The following ACO1 variants were observed in gnomAD, a reference collection of about 807,000 sequenced individuals.
ACO1 encodes aconitase 1.
In ACO1, 78 loss-of-function variants were observed where a neutral mutation model predicts 105.1. The observed-to-expected ratio is 0.74, with a 90% CI of 0.62 to 0.90. ACO1 has a LOEUF of 0.90. Among genes scored for constraint, ACO1 ranks in the 40% least tolerant of loss-of-function variants. ACO1 has a pLI of 0.00. For synonymous variants in ACO1, 364 were observed against 397.4 expected (o/e 0.92, Z 1.00); for missense variants, 965 against 1,111.1 (o/e 0.87, Z 1.87).
At chr9:32,440,395 A>G in intron 18 of ACO1, 70 bp from the exon 19 acceptor site, 1 of 1,595,980 alleles carries the variant, frequency 6.3e-7, no homozygotes, top group South Asian at 1.1e-5. Context: ...CGCCCTCACC[A>G]GGGCTCAGGG....
intron 19 of ACO1, among the ~76,000 whole-genome samples, chr9:32,447,371 T>C (rs778916324): frequency 6.6e-6 from 1 of 152,220 alleles, no homozygotes; most frequent in Non-Finnish European, 1.5e-5. Context: ...TATTGATACT[T>C]GTATATACTC....
intron 1 of ACO1, among the ~76,000 whole-genome samples, chr9:32,391,176 A>T (rs1280142491): frequency 1.3e-5 from 2 of 152,226 alleles, no homozygotes; most frequent in African/African-American, 4.8e-5. Flanking sequence ...AGCCCTTGTC[A>T]TCTGGGCAGA....
At chr9:32,449,903 G>A in intron 20 of ACO1, 95 bp from the exon 21 acceptor site, 4 of 897,050 alleles carry the variant, frequency 4.5e-6, no homozygotes, top group Non-Finnish European at 7.3e-6. Context: ...ACTGAAGTGT[G>A]GACCACACCT....
Position 32,436,295 on chromosome 9 carries a change from T to C in ACO1, c.2145T>C (p.Asn715=), listed in dbSNP as rs1822359080. 1 of 1,614,104 alleles carries C rather than the reference T, an allele frequency of 6.2e-7. No homozygotes were observed. The highest frequency in any genetic ancestry group is 1.3e-5 in the African/African-American group (1 of 74,936). The part of the protein sequence containing the change: ...EFNSYGSRRG[N]DAVMARGTFA... ...ACTCCTATGGCTCCCGCCGAGGTAA[T>C]GACGCCGTCATGGCACGGGGAACAT... The change falls in exon 18 of 21, where the codon AAT becomes AAC. Residue 715 remains asparagine (N), a synonymous_variant. Transcript: ENST00000309951.
chr9:32,428,739 G>A (rs1822157679), intron 12 of ACO1, among the ~76,000 whole-genome samples: 1 of 152,166 alleles, frequency 6.6e-6, no homozygotes, highest in African/African-American at 2.4e-5. Context: ...AGCTACTTGG[G>A]GGGCTGAGGC....
rs185227580 is a variant in ACO1, at chr9:32,436,409, C to T, written c.2247+12C>T. Reference sequence around the variant, plus strand: ...CTTCTGGGGAAATCGTGAGTATTGTCTTCTGCTTCCTGCAGACACTAGCAT... The same window carrying T: ...CTTCTGGGGAAATCGTGAGTATTGTTTTCTGCTTCCTGCAGACACTAGCAT... On this transcript the variant is annotated intron_variant, in intron 18 of 20. Transcript: ENST00000309951. 2.1e-3 allele frequency: 3,446 copies of T among 1,612,492 alleles called. 6 individuals carry two copies. The highest frequency in any genetic ancestry group is 2.5e-3 in the Non-Finnish European group (2,967 of 1,178,934).
chr9:32,433,402 T>G (rs1587547346), intron 15 of ACO1, among the ~76,000 whole-genome samples: 2 of 151,122 alleles, frequency 1.3e-5, no homozygotes, highest in African/African-American at 4.9e-5. Flanking sequence ...CCCAGACAAT[T>G]TTTTTTTTAT....
intron 1 of ACO1, 69 bp from the exon 2 acceptor site, chr9:32,405,416 C>T: frequency 1.2e-6 from 1 of 865,952 alleles, no homozygotes; most frequent in Non-Finnish European, 1.9e-6. Context: ...CTAAGCCTTC[C>T]TCCCAGTCCT....
chr9:32,420,536 C>T (rs957979890), intron 7 of ACO1, among the ~76,000 whole-genome samples: 8 of 152,058 alleles, frequency 5.3e-5, no homozygotes, highest in Non-Finnish European at 1.0e-4. Flanking sequence ...TCCCAGCTTC[C>T]CATAATGTTA....
At chr9:32,405,827 A>G (rs1454458242) in intron 2 of ACO1, among the ~76,000 whole-genome samples, 11 of 152,230 alleles carry the variant, frequency 7.2e-5, no homozygotes. Flanking sequence ...TATAGAGTAT[A>G]CATTTGTATC....
rs746836987 is a variant in ACO1, at chr9:32,448,949, G to C, written c.2424G>C (p.Leu808=). 6.2e-7 allele frequency: 1 copy of C among 1,614,208 alleles called. No individual in the cohort carries two copies. The highest frequency in any genetic ancestry group is 8.5e-7 in the Non-Finnish European group (1 of 1,180,040). Residue 808 remains leucine, a synonymous_variant, in exon 20 of 21, where the codon CTG becomes CTC. Transcript: ENST00000309951. ...ESYERIHRSN[L]VGMGVIPLEY... ...ACGAGCGCATTCACCGCAGTAACCT[G>C]GTTGGGATGGGTGTGATCCCACTTG...
intron 1 of ACO1, among the ~76,000 whole-genome samples, chr9:32,389,669 C>CTTT (rs5897504): frequency 7.0e-6 from 1 of 143,638 alleles, no homozygotes; most frequent in Non-Finnish European, 1.5e-5. Context: ...GCCTTCATTT[C>CTTT]TTTTTTTTTT....
At chr9:32,442,850 A>T (rs764278822) in intron 19 of ACO1, among the ~76,000 whole-genome samples, 1 of 152,128 alleles carries the variant, frequency 6.6e-6, no homozygotes, top group Non-Finnish European at 1.5e-5. Flanking sequence ...GTAAAGGGGG[A>T]CAATAAGGGC....
At position 32,424,672 on chromosome 9, in the gene ACO1, G is replaced by T; in HGVS notation, c.1188+7G>T. On this transcript the variant is annotated splice_region_variant and intron_variant, in intron 10 of 20. Coordinates refer to ENST00000309951, the MANE Select transcript of ACO1 (RefSeq NM_002197.3). The stretch of plus-strand genomic sequence containing the variant: ...GAGCTGCCTTGGAGCCAAGGTAGGG[G>T]CCTGCGGGAAGAGGTTGAATCCTCT... 6.2e-7 allele frequency: 1 copy of T among 1,600,540 alleles called. No individual in the cohort carries two copies. Among genetic ancestry groups the T allele is most frequent in the South Asian group, 1.1e-5 (1 of 90,500 alleles).
rs75922044 is a variant in ACO1 at position 32,443,565 on chromosome 9, A to G, written c.2370+2978A>G. On this transcript the variant is annotated intron_variant, in intron 19 of 20. Coordinates refer to ENST00000309951, the MANE Select transcript of ACO1 (RefSeq NM_002197.3). ...AGCAACAGCATCAGATAATTAAACA[A>G]TTCTTTGGTATTTAATACTAATATT... Among the ~76,000 whole-genome samples the G allele has an allele frequency of 5.9e-3, 894 of 152,318 alleles. 27 individuals carry two copies. In the East Asian group the frequency reaches 0.11, roughly 18 times the overall value.
chr9:32,415,773 C>T (rs1821834426), intron 4 of ACO1, among the ~76,000 whole-genome samples: 1 of 152,166 alleles, frequency 6.6e-6, no homozygotes, highest in South Asian at 2.1e-4. Flanking sequence ...CAAATAGACA[C>T]TCATTCACTC....
intron 12 of ACO1, among the ~76,000 whole-genome samples, chr9:32,428,801 G>A (rs958723012): frequency 7.9e-5 from 12 of 151,868 alleles, no homozygotes; most frequent in African/African-American, 2.2e-4. Flanking sequence ...CAGAGATAGC[G>A]CCACTGCACT....
chr9:32,436,098 C>A (rs771600362), intron 17 of ACO1, 152 bp from the exon 18 acceptor site: 1 of 1,048,684 alleles, frequency 9.5e-7, no homozygotes, highest in Non-Finnish European at 1.4e-6. Flanking sequence ...TTGGGGACAG[C>A]TTTTCTGCCA....
At chr9:32,392,774 G>C (rs1821292849) in intron 1 of ACO1, among the ~76,000 whole-genome samples, 1 of 152,226 alleles carries the variant, frequency 6.6e-6, no homozygotes, top group Admixed American at 6.5e-5. Context: ...ACCGGCTGAA[G>C]CCATGGCAGA....
Sources: gnomAD v4.1 joint callset for allele counts (sites outside exome capture counted in the v4.1 genomes callset) on GRCh38, gnomAD v4.1.1 for gene constraint, MANE v1.5 for transcripts, NCBI Gene and HGNC (gene_info 2026-07-23, HGNC 2026-07-21) for gene names.